The following FER variants were observed in gnomAD, a reference collection of about 807,000 sequenced individuals.
FER encodes FER tyrosine kinase.
FER carries 63 observed loss-of-function variants against 111.0 expected under a neutral mutation model. That is an observed-to-expected ratio of 0.57 (90% CI 0.46 to 0.70). The LOEUF is 0.70. Among genes scored for constraint, FER ranks in the 30% least tolerant of loss-of-function variants. The pLI is 0.00. For missense variants in FER, 914 were observed against 954.0 expected (o/e 0.96, Z 0.55); for synonymous variants, 327 against 313.9 (o/e 1.04, Z -0.44).
chr5:109,074,749 G>A (rs994282052), intron 16 of FER, among the ~76,000 whole-genome samples: 4 of 152,324 alleles, frequency 2.6e-5, no homozygotes, highest in South Asian at 2.1e-4. Flanking sequence ...GGCTTTGCTC[G>A]CTTTTGCGAA....
chr5:109,052,166 A>G (rs1011082761), intron 16 of FER: 80 of 1,608,214 alleles, frequency 5.0e-5, no homozygotes, highest in Non-Finnish European at 6.4e-5. Flanking sequence ...TGCATCACAT[A>G]GAACACATGA....
At chr5:108,889,573 G>A (rs1747705513) in intron 9 of FER, among the ~76,000 whole-genome samples, 1 of 151,816 alleles carries the variant, frequency 6.6e-6, no homozygotes. Context: ...GAAGTGCTGG[G>A]CAAATGAATG....
intron 15 of FER, among the ~76,000 whole-genome samples, chr5:109,046,639 A>G (rs1772021407): frequency 6.6e-6 from 1 of 152,130 alleles, no homozygotes; most frequent in South Asian, 2.1e-4. Flanking sequence ...TGTGGATTTG[A>G]TCAGCCACAG....
chr5:109,178,643 C>A (rs1757965750), intron 17 of FER, among the ~76,000 whole-genome samples: 1 of 152,294 alleles, frequency 6.6e-6, no homozygotes, highest in Non-Finnish European at 1.5e-5. Context: ...GTTTCTAGAT[C>A]CTCTCTGTTC....
intron 13 of FER, among the ~76,000 whole-genome samples, chr5:109,019,017 C>A (rs1280272118): frequency 2.0e-5 from 3 of 151,302 alleles, no homozygotes; most frequent in Non-Finnish European, 4.4e-5. Context: ...TTATCTAACA[C>A]CATAATATCC....
At chr5:108,959,823 G>A (rs1758911858) in intron 13 of FER, among the ~76,000 whole-genome samples, 1 of 152,070 alleles carries the variant, frequency 6.6e-6, no homozygotes, top group African/African-American at 2.4e-5. Flanking sequence ...ACTTATCTAT[G>A]TGGAGCAAGG....
intron 5 of FER, among the ~76,000 whole-genome samples, chr5:108,848,011 C>A (rs1182903153): frequency 6.6e-6 from 1 of 152,158 alleles, no homozygotes; most frequent in East Asian, 1.9e-4. Flanking sequence ...TCTCAGCCAA[C>A]TGTGTAGCTG....
At chr5:108,872,001 G>T (rs1764647064) in intron 7 of FER, 92 bp from the exon 8 acceptor site, 4 of 1,266,548 alleles carry the variant, frequency 3.2e-6, no homozygotes, top group South Asian at 1.6e-5. Context: ...CATAATTTTG[G>T]ATAAAAACAA....
chr5:109,026,030 TTGAGA>T (rs928402087), intron 13 of FER, among the ~76,000 whole-genome samples: 2 of 152,060 alleles, frequency 1.3e-5, no homozygotes, highest in African/African-American at 2.4e-5. Flanking sequence ...CATTCTAAAG[TTGAGA>T]TGAATGAAAA....
At chr5:108,828,838 G>A (rs566363334) in intron 3 of FER, among the ~76,000 whole-genome samples, 5 of 152,248 alleles carry the variant, frequency 3.3e-5, no homozygotes, top group Admixed American at 3.3e-4. Flanking sequence ...AGTAGCTTAC[G>A]CCTGTAATCT....
intron 13 of FER, among the ~76,000 whole-genome samples, chr5:109,002,169 C>A (rs191846134): frequency 0.12 from 18,385 of 147,596 alleles, 1,193 homozygotes; most frequent in African/African-American, 0.15. Context: ...TGCCAAGTCA[C>A]TCCTAAGCCA....
At chr5:108,794,526 A>ACACCCCCCCC (rs1755779542) in intron 2 of FER, among the ~76,000 whole-genome samples, 1 of 106,354 alleles carries the variant, frequency 9.4e-6, no homozygotes, top group Non-Finnish European at 1.9e-5. Context: ...CCCCCTCCGC[A>ACACCCCCCCC]CCCCCCCCCC....
At chr5:109,082,587 C>T (rs1777117145) in intron 16 of FER, among the ~76,000 whole-genome samples, 1 of 151,862 alleles carries the variant, frequency 6.6e-6, no homozygotes, top group Non-Finnish European at 1.5e-5. Context: ...GAAAGACAAA[C>T]TTTTTATATT....
chr5:109,105,578 G>C (rs1412620293), intron 17 of FER, among the ~76,000 whole-genome samples: 1 of 152,086 alleles, frequency 6.6e-6, no homozygotes, highest in Non-Finnish European at 1.5e-5. Context: ...CTCAATTGAA[G>C]GCACTGTAAG....
chr5:109,033,656 T>C (rs1769955916), intron 13 of FER, among the ~76,000 whole-genome samples: 1 of 152,062 alleles, frequency 6.6e-6, no homozygotes, highest in African/African-American at 2.4e-5. Flanking sequence ...ATTTAATACC[T>C]AAGGGGGAGA....
At chr5:109,079,485 C>CCAT (rs1331376683) in intron 16 of FER, among the ~76,000 whole-genome samples, 1 of 152,078 alleles carries the variant, frequency 6.6e-6, no homozygotes, top group South Asian at 2.1e-4. Flanking sequence ...TCTTATGGTG[C>CCAT]CATATTAGAC....
At chr5:109,166,386 A>G (rs78727964) in intron 17 of FER, among the ~76,000 whole-genome samples, 5,205 of 152,184 alleles carry the variant, frequency 0.034, 143 homozygotes, top group South Asian at 0.083. Context: ...ACAGCTTTCT[A>G]TCAGGTGTGA....
intron 13 of FER, among the ~76,000 whole-genome samples, chr5:109,007,456 G>A (rs1246256969): frequency 6.6e-6 from 1 of 150,666 alleles, no homozygotes; most frequent in African/African-American, 2.4e-5. Flanking sequence ...ATTATTCTAT[G>A]CCCCTTTCTA....
chr5:109,024,164 T>C (rs72790551), intron 13 of FER, among the ~76,000 whole-genome samples: 17,811 of 152,148 alleles, frequency 0.12, 1,101 homozygotes, highest in Non-Finnish European at 0.14. Context: ...AACAAATACA[T>C]AGAACAGAAG....
Sources: allele counts gnomAD v4.1 joint callset (sites outside exome capture counted in the v4.1 genomes callset), GRCh38; gene constraint gnomAD v4.1.1; transcripts MANE v1.5; gene names NCBI Gene and HGNC (gene_info 2026-07-23, HGNC 2026-07-21).